The following RPAP2 variants were observed in gnomAD, a reference collection of about 807,000 sequenced individuals.
The protein encoded by RPAP2 is putative RNA polymerase II subunit B1 CTD phosphatase RPAP2.
RPAP2 carries 52 observed loss-of-function variants against 73.1 expected under a neutral mutation model. The observed-to-expected ratio is 0.71, with a 90% CI of 0.57 to 0.90. The LOEUF (loss-of-function observed/expected upper bound fraction) is 0.90. RPAP2 is among the 40% of genes least tolerant of loss of function. The pLI is 0.00. For missense variants in RPAP2, 598 were observed against 701.8 expected (o/e 0.85, Z 1.67); for synonymous variants, 225 against 242.1 (o/e 0.93, Z 0.65).
In RPAP2 at chr1:92,398,637, C is replaced by T. The variant is rs1416987607; in HGVS notation, c.*11626C>T. Reference sequence around the variant, plus strand: ...AGGGGTGACTTTCATCTGAAATGTACCTAGGCAGGCCAGAGTCTGAGTTAG... The same window carrying T: ...AGGGGTGACTTTCATCTGAAATGTATCTAGGCAGGCCAGAGTCTGAGTTAG... On this transcript the variant is annotated 3_prime_UTR_variant, in exon 13 of 13. Coordinates refer to ENST00000610020, the MANE Select transcript of RPAP2 (RefSeq NM_024813.3). 6.6e-6 allele frequency: 1 copy of T among 152,184 alleles called. No homozygotes were observed. The highest frequency in any genetic ancestry group is 1.5e-5 in the Non-Finnish European group (1 of 68,054). 9.4% of individuals were successfully genotyped at this position (152,184 alleles called of 1,614,324 possible).
At chr1:92,363,100 T>G (rs566145529) in intron 11 of RPAP2, among the ~76,000 whole-genome samples, 1 of 152,268 alleles carries the variant, frequency 6.6e-6, no homozygotes, top group South Asian at 2.1e-4. Context: ...AATAAAAGCC[T>G]TTTTATAATT....
At chr1:92,358,360 G>A (rs1329417108) in intron 11 of RPAP2, among the ~76,000 whole-genome samples, 1 of 151,862 alleles carries the variant, frequency 6.6e-6, no homozygotes, top group Non-Finnish European at 1.5e-5. Flanking sequence ...CTCTTCCCTT[G>A]GTTAATTCCT....
chr1:92,345,343 C>T (rs1653817740), intron 10 of RPAP2, among the ~76,000 whole-genome samples: 1 of 139,292 alleles, frequency 7.2e-6, no homozygotes, highest in Non-Finnish European at 1.5e-5. Flanking sequence ...AGCCACTGCA[C>T]TGCAGCCCAG....
intron 10 of RPAP2, among the ~76,000 whole-genome samples, chr1:92,338,648 A>ATTTT (rs11455274): frequency 7.0e-6 from 1 of 142,690 alleles, no homozygotes. Context: ...CTGATCATTG[A>ATTTT]TTTTTTTTTT....
chr1:92,380,666 G>A (rs1021842380), intron 11 of RPAP2, 58 bp from the exon 12 acceptor site: 153 of 1,214,856 alleles, frequency 1.3e-4, no homozygotes, highest in Non-Finnish European at 1.6e-4. Context: ...TTGAAGATAG[G>A]AGTCCCTTTG....
At chr1:92,301,436 G>A (rs1347759552) in intron 2 of RPAP2, 40 bp from the exon 3 acceptor site, 2 of 1,051,048 alleles carry the variant, frequency 1.9e-6, no homozygotes. Context: ...TGTTGGACAT[G>A]AAGCTTTTAA....
At chr1:92,309,048 ACT>A (rs950303576) in intron 6 of RPAP2, among the ~76,000 whole-genome samples, 1 of 152,162 alleles carries the variant, frequency 6.6e-6, no homozygotes, top group African/African-American at 2.4e-5. Flanking sequence ...CAGAATGCTC[ACT>A]GTTTCCCAAA....
chr1:92,359,783 T>C (rs946014631), intron 11 of RPAP2, among the ~76,000 whole-genome samples: 2 of 152,122 alleles, frequency 1.3e-5, no homozygotes, highest in Non-Finnish European at 1.5e-5. Flanking sequence ...AGTGTCAGCA[T>C]TGGGATGGAT....
chr1:92,304,680 C>T (rs185313981), intron 5 of RPAP2, among the ~76,000 whole-genome samples: 11 of 152,058 alleles, frequency 7.2e-5, no homozygotes, highest in Admixed American at 3.9e-4. Context: ...TATATGACAG[C>T]GGGAGTATTG....
chr1:92,338,154 T>C (rs1484771012), intron 10 of RPAP2, among the ~76,000 whole-genome samples: 1 of 152,188 alleles, frequency 6.6e-6, no homozygotes, highest in African/African-American at 2.4e-5. Context: ...TTTTACTTCA[T>C]TTTATCTAGG....
chr1:92,345,815 A>C (rs1653860359), intron 10 of RPAP2, 31 bp from the exon 11 acceptor site: 3 of 1,314,674 alleles, frequency 2.3e-6, no homozygotes, highest in South Asian at 2.4e-5. Context: ...TAAAGGTAAC[A>C]CTCCTTGGAT....
rs1457884460 is a variant in RPAP2 at position 92,392,559 on chromosome 1, A to C, written c.*5548A>C. The C allele has an allele frequency of 3.9e-5, 6 of 152,234 alleles. No homozygotes were observed. The highest frequency in any genetic ancestry group is 8.8e-5 in the Non-Finnish European group (6 of 68,052). 9.4% of individuals were successfully genotyped at this position (152,234 alleles called of 1,614,324 possible). On this transcript the variant is annotated 3_prime_UTR_variant, in exon 13 of 13. Coordinates refer to ENST00000610020, the MANE Select transcript of RPAP2 (RefSeq NM_024813.3). ...GGGCAATCAGGCAAGAGAAAGCAAT[A>C]AAGCATATTCAAATAGGAAGAGAGG...
At chr1:92,332,612 A>T (rs1653036711) in intron 8 of RPAP2, among the ~76,000 whole-genome samples, 1 of 152,154 alleles carries the variant, frequency 6.6e-6, no homozygotes, top group Non-Finnish European at 1.5e-5. Context: ...ACTGTAATGT[A>T]ATCAGAGATT....
intron 11 of RPAP2, among the ~76,000 whole-genome samples, chr1:92,356,032 AT>A (rs1654445121): frequency 6.6e-6 from 1 of 152,220 alleles, no homozygotes; most frequent in African/African-American, 2.4e-5. Flanking sequence ...GTGTAAATTA[AT>A]TTTTTAAATG....
At chr1:92,378,617 C>T (rs531605045) in intron 11 of RPAP2, among the ~76,000 whole-genome samples, 2 of 152,224 alleles carry the variant, frequency 1.3e-5, no homozygotes, top group South Asian at 4.1e-4. Context: ...GTTATCCCAT[C>T]CCTTATTCTT....
In RPAP2 at chr1:92,323,903, G is replaced by A. The variant is rs759271927; in HGVS notation, c.983G>A (p.Gly328Asp). Residue 328 changes from glycine (G) to aspartate (D), a missense_variant, in exon 8 of 13, where the codon GGC becomes GAC. Physicochemically the swap from Gly to Asp is moderately conservative, Grantham distance 94. This residue lies in a region of RPAP2 where 506 missense variants were observed against 612.8 expected (regional missense o/e 0.83). Transcript: ENST00000610020. ...EYSRSEITLV[G>D]ISKKSAEHFK... ...AGTAGGTCAGAAATAACTCTAGTAGGCATAAGTAAGAAAAGTGCAGAGCAT... is the reference window on the plus strand; with the variant it reads ...AGTAGGTCAGAAATAACTCTAGTAGACATAAGTAAGAAAAGTGCAGAGCAT... 20 of 1,613,962 alleles carry A rather than the reference G, an allele frequency of 1.2e-5. No homozygotes were observed. Among genetic ancestry groups the A allele is most frequent in the Non-Finnish European group, 1.6e-5 (19 of 1,179,982 alleles).
intron 11 of RPAP2, among the ~76,000 whole-genome samples, chr1:92,374,849 G>T (rs564288145): frequency 6.6e-6 from 1 of 152,184 alleles, no homozygotes; most frequent in African/African-American, 2.4e-5. Flanking sequence ...TTAAAAAACT[G>T]CACATTGGAT....
intron 11 of RPAP2, among the ~76,000 whole-genome samples, chr1:92,369,505 C>T (rs1356125844): frequency 6.6e-6 from 1 of 152,092 alleles, no homozygotes; most frequent in Admixed American, 6.6e-5. Flanking sequence ...GGATCTTGCT[C>T]TGTTGCCCAG....
chr1:92,386,041 C>T (rs1238294300), intron 12 of RPAP2, among the ~76,000 whole-genome samples: 1 of 152,190 alleles, frequency 6.6e-6, no homozygotes, highest in Non-Finnish European at 1.5e-5. Context: ...AATCCCCTGC[C>T]CATAGGCCTT....
Sources: allele counts gnomAD v4.1 joint callset (sites outside exome capture counted in the v4.1 genomes callset), GRCh38; gene constraint gnomAD v4.1.1; regional missense constraint gnomAD v4.1.1; transcripts MANE v1.5; gene names NCBI Gene and HGNC (gene_info 2026-07-23, HGNC 2026-07-21).